SLCO5A1: variants seen among roughly 807,000 people sequenced by gnomAD.
SLCO5A1 encodes the protein organic anion transporter polypeptide-related protein 4.
SLCO5A1 carries 39 observed loss-of-function variants against 65.1 expected under a neutral mutation model. The observed-to-expected ratio is 0.60, with a 90% CI of 0.46 to 0.78. The LOEUF is 0.78. Among genes scored for constraint, SLCO5A1 ranks in the 30% least tolerant of loss-of-function variants. SLCO5A1 has a pLI of 0.00. For missense variants in SLCO5A1, 1,029 were observed against 1,069.4 expected (o/e 0.96, Z 0.53); for synonymous variants, 438 against 415.7 (o/e 1.05, Z -0.65).
intron 5 of SLCO5A1, among the ~76,000 whole-genome samples, chr8:69,720,214 T>C (rs1815753288): frequency 6.6e-6 from 1 of 152,190 alleles, no homozygotes; most frequent in Admixed American, 6.5e-5. Context: ...AAGAAGTAAA[T>C]GCAATAAATA....
chr8:69,816,955 T>G (rs1370740960), intron 2 of SLCO5A1, among the ~76,000 whole-genome samples: 3 of 152,192 alleles, frequency 2.0e-5, no homozygotes, highest in African/African-American at 4.8e-5. Flanking sequence ...TCAGATGGAT[T>G]TATAGTCCAT....
In SLCO5A1 at chr8:69,828,276, T is replaced by TAA. The variant is rs57458834; in HGVS notation, c.907+3489_907+3490dup. ...ACGCATTCATCATTTTTTTTTTTTT[T>TAA]AAAAAAAAAGCAATTTAATCAGTAT... On this transcript the variant is annotated intron_variant, in intron 2 of 9. Coordinates refer to ENST00000260126, the MANE Select transcript of SLCO5A1 (RefSeq NM_030958.3). Among the ~76,000 whole-genome samples the TAA allele has an allele frequency of 9.9e-3, 1,307 of 131,766 alleles. 12 individuals are homozygous for TAA. The highest frequency in any genetic ancestry group is 0.024 in the African/African-American group (706 of 29,842). The allele number at this position is 131,766 out of a possible 152,430, so 86.4% of individuals were successfully genotyped here.
intron 2 of SLCO5A1, among the ~76,000 whole-genome samples, chr8:69,826,280 G>T (rs1820910935): frequency 6.6e-6 from 1 of 151,836 alleles, no homozygotes; most frequent in Non-Finnish European, 1.5e-5. Context: ...ATTGACAAAT[G>T]GGATCTAATT....
intron 2 of SLCO5A1, among the ~76,000 whole-genome samples, chr8:69,791,618 C>A (rs1819272767): frequency 6.6e-6 from 1 of 152,196 alleles, no homozygotes; most frequent in Admixed American, 6.5e-5. Flanking sequence ...ACACACGTGC[C>A]AGAGGCTGTG....
intron 2 of SLCO5A1, among the ~76,000 whole-genome samples, chr8:69,781,816 C>G (rs910100718): frequency 1.3e-5 from 2 of 152,014 alleles, no homozygotes; most frequent in Non-Finnish European, 2.9e-5. Context: ...CACCACCACA[C>G]CCAGCTCATT....
intron 5 of SLCO5A1, among the ~76,000 whole-genome samples, chr8:69,730,601 C>T (rs1429031978): frequency 6.6e-6 from 1 of 152,184 alleles, no homozygotes; most frequent in African/African-American, 2.4e-5. Context: ...AAATCATCAA[C>T]GTGCATCTGT....
chr8:69,784,863 G>GAAAGAAAGAAAA (rs71275014), intron 2 of SLCO5A1, among the ~76,000 whole-genome samples: 25 of 87,838 alleles, frequency 2.8e-4, no homozygotes, highest in African/African-American at 9.7e-4. Context: ...AAGAAAGAAA[G>GAAAGAAAGAAAA]GGAAGGAAGG....
intron 2 of SLCO5A1, among the ~76,000 whole-genome samples, chr8:69,767,889 C>CAAAAAAAAAAA (rs746004982): frequency 5.7e-5 from 2 of 35,036 alleles, no homozygotes; most frequent in Non-Finnish European, 1.1e-4. Flanking sequence ...GACTCCATCT[C>CAAAAAAAAAAA]AAAAAAAAAA....
At chr8:69,737,993 G>A in intron 5 of SLCO5A1, 47 bp downstream of exon 5, 1 of 1,582,852 alleles carries the variant, frequency 6.3e-7, no homozygotes, top group Non-Finnish European at 8.6e-7. Flanking sequence ...TCCATTTCAT[G>A]GTCAAAATGA....
chr8:69,684,762 C>G (rs1310141569), intron 6 of SLCO5A1, among the ~76,000 whole-genome samples: 3 of 151,732 alleles, frequency 2.0e-5, no homozygotes, highest in Non-Finnish European at 4.4e-5. Flanking sequence ...TCTTTCACTG[C>G]CAGCTTGCTC....
intron 5 of SLCO5A1, among the ~76,000 whole-genome samples, chr8:69,728,999 C>A (rs1415349876): frequency 6.6e-6 from 1 of 152,038 alleles, no homozygotes; most frequent in Non-Finnish European, 1.5e-5. Flanking sequence ...TACGACTGAT[C>A]CGAGGTCCAG....
In SLCO5A1 at chr8:69,672,747, T is replaced by C; in HGVS notation, c.*122A>G. 3.7e-6 allele frequency: 4 copies of C among 1,090,266 alleles called. No homozygotes were observed. The highest frequency in any genetic ancestry group is 5.1e-6 in the Non-Finnish European group (4 of 784,006). 67.5% of individuals were successfully genotyped at this position (1,090,266 alleles called of 1,614,324 possible). On this transcript the variant is annotated 3_prime_UTR_variant, in exon 10 of 10. Coordinates refer to ENST00000260126, the MANE Select transcript of SLCO5A1 (RefSeq NM_030958.3). ...TAGCGGCTGTGTATACTGAGTTTTG[T>C]TGGTTTGAGGATTGTGTCTGTAGAG...
At chr8:69,754,004 CAAAAAAA>C (rs71556780) in intron 4 of SLCO5A1, among the ~76,000 whole-genome samples, 6 of 73,490 alleles carry the variant, frequency 8.2e-5, no homozygotes, top group Non-Finnish European at 1.4e-4. Context: ...TGACCTATCT[CAAAAAAA>C]AAAAAAAAAA....
At chr8:69,677,855 GA>G (rs2130785567) in intron 8 of SLCO5A1, among the ~76,000 whole-genome samples, 2 of 152,312 alleles carry the variant, frequency 1.3e-5, no homozygotes, top group South Asian at 4.1e-4. Context: ...GGAGCCTGGA[GA>G]AAGAGTAAGA....
chr8:69,704,134 C>T (rs1353205968), intron 6 of SLCO5A1, among the ~76,000 whole-genome samples: 1 of 152,180 alleles, frequency 6.6e-6, no homozygotes, highest in Non-Finnish European at 1.5e-5. Context: ...CTCCCAGTCT[C>T]AAGTTATTCT....
At chr8:69,754,747 A>G (rs1817471895) in intron 4 of SLCO5A1, among the ~76,000 whole-genome samples, 1 of 152,218 alleles carries the variant, frequency 6.6e-6, no homozygotes, top group Non-Finnish European at 1.5e-5. Context: ...ATCTAGTTTA[A>G]TATAATCAGT....
intron 2 of SLCO5A1, among the ~76,000 whole-genome samples, chr8:69,775,425 G>T (rs1035014096): frequency 1.3e-5 from 2 of 151,986 alleles, no homozygotes; most frequent in East Asian, 1.9e-4. Context: ...TAACAAACCT[G>T]CACATTGTGC....
intron 2 of SLCO5A1, among the ~76,000 whole-genome samples, chr8:69,802,353 C>T (rs970828725): frequency 1.3e-5 from 2 of 151,254 alleles, no homozygotes; most frequent in Admixed American, 1.3e-4. Context: ...AATAATGAAC[C>T]GAATTAGCCA....
intron 4 of SLCO5A1, among the ~76,000 whole-genome samples, chr8:69,751,547 CTTT>C (rs762744953): frequency 7.1e-6 from 1 of 141,218 alleles, no homozygotes; most frequent in Non-Finnish European, 1.6e-5. Flanking sequence ...AAATAATTTT[CTTT>C]TTTTTTTTTT....
Sources: allele counts gnomAD v4.1 joint callset (sites outside exome capture counted in the v4.1 genomes callset), GRCh38; gene constraint gnomAD v4.1.1; transcripts MANE v1.5; gene names NCBI Gene and HGNC (gene_info 2026-07-23, HGNC 2026-07-21).